Variants in ZNF75D observed in about 807,000 individuals in gnomAD.
ZNF75D encodes zinc finger protein 75.
A neutral mutation model predicts 33.3 loss-of-function variants in ZNF75D; 33 were observed. The observed-to-expected ratio is 0.99, with a 90% CI of 0.75 to 1.32. ZNF75D has a LOEUF of 1.32. ZNF75D is among the 40% of genes most tolerant of loss of function. The pLI is 0.00. For missense variants in ZNF75D, 338 were observed against 367.5 expected (o/e 0.92, Z 0.66); for synonymous variants, 113 against 130.6 (o/e 0.87, Z 0.92).
chrX:135,289,649 C>G (rs1452710221), intron 6 of ZNF75D, among the ~76,000 whole-genome samples: 3 of 107,276 alleles, frequency 2.8e-5, no homozygotes, highest in Non-Finnish European at 5.8e-5. Context: ...CACACACACA[C>G]ACACACACAC....
intron 1 of ZNF75D, among the ~76,000 whole-genome samples, chrX:135,271,855 G>C (rs1458183883): frequency 3.6e-5 from 4 of 111,877 alleles, no homozygotes; most frequent in African/African-American, 1.3e-4. Context: ...AAGTCCTATG[G>C]GAGGTACACT....
chrX:135,322,164 C>G (rs1483503459), intron 1 of ZNF75D, among the ~76,000 whole-genome samples: 3 of 112,158 alleles, frequency 2.7e-5, no homozygotes, highest in Non-Finnish European at 5.6e-5. Context: ...AAGCAGAATA[C>G]CTGTGTGTCA....
chrX:135,342,968 A>C lies in ZNF75D; in HGVS notation c.-1591T>G, dbSNP rs782323570. The C allele has an allele frequency of 9.0e-6, 1 of 111,662 alleles. No individual in the cohort carries two copies. The highest frequency in any genetic ancestry group is 3.8e-4 in the South Asian group (1 of 2,652). The allele number at this position is 111,662 out of a possible 1,213,427, so 9.2% of individuals were successfully genotyped here. On this transcript the variant is annotated 5_prime_UTR_variant, in exon 1 of 7. Transcript: ENST00000370766. The stretch of plus-strand genomic sequence containing the variant: ...CCTTTGATCTACCTCCAGAGCGGAC[A>C]CTATGACAGCGACACTGCCTCCCCG...
intron 1 of ZNF75D, among the ~76,000 whole-genome samples, chrX:135,318,133 C>T (rs897174050): frequency 1.0e-5 from 1 of 100,373 alleles, no homozygotes; most frequent in Non-Finnish European, 2.0e-5. Flanking sequence ...GAATTTAGAT[C>T]GTCCTGGCAC....
intron 1 of ZNF75D, among the ~76,000 whole-genome samples, chrX:135,304,172 C>A (rs1483597658): frequency 9.0e-6 from 1 of 111,671 alleles, no homozygotes; most frequent in African/African-American, 3.3e-5. Context: ...TCTCTGGCTG[C>A]CAGTGACTAT....
At chrX:135,284,316 C>T (rs1339584607), downstream of ZNF75D, among the ~76,000 whole-genome samples, 4 of 112,055 alleles carry the variant, frequency 3.6e-5, no homozygotes, top group Non-Finnish European at 7.5e-5. Flanking sequence ...TTCCCTTTAT[C>T]TCATTCTGCC....
At chrX:135,274,574 A>T (rs1444360327) in intron 1 of ZNF75D, among the ~76,000 whole-genome samples, 1 of 111,933 alleles carries the variant, frequency 8.9e-6, no homozygotes, top group Non-Finnish European at 1.9e-5. Flanking sequence ...TTAGGTTTAC[A>T]TGAGCACCTA....
At chrX:135,301,797 A>G (rs1430990307) in intron 1 of ZNF75D, among the ~76,000 whole-genome samples, 6 of 112,096 alleles carry the variant, frequency 5.4e-5, no homozygotes, top group Non-Finnish European at 1.1e-4. Context: ...CTCTTCTCAC[A>G]GCTCCACTAG....
Position 135,287,888 on chromosome X carries a change from G to A in ZNF75D, c.824-42C>T. On this transcript the variant is annotated intron_variant, in intron 6 of 6. Coordinates refer to ENST00000370766, the MANE Select transcript of ZNF75D (RefSeq NM_007131.5). ...AATAATCAGCCATCTGTGTCCCAGT[G>A]AAAGAAAGCTACATAAATGGAGAGA... 4.0e-6 allele frequency: 4 copies of A among 1,000,827 alleles called. No homozygotes were observed. The South Asian group carries it at 8.2e-5, about 20-fold the overall frequency. 82.5% of individuals were successfully genotyped at this position (1,000,827 alleles called of 1,213,427 possible).
At chrX:135,310,835 A>AT (rs782534052) in intron 1 of ZNF75D, among the ~76,000 whole-genome samples, 151 of 111,515 alleles carry the variant, frequency 1.4e-3, no homozygotes, top group Non-Finnish European at 2.5e-3. Context: ...CCCTGCTCTG[A>AT]TTCAGCATTG....
chrX:135,280,563 A>T (rs782526218), intron 1 of ZNF75D, among the ~76,000 whole-genome samples: 40 of 111,764 alleles, frequency 3.6e-4, no homozygotes, highest in African/African-American at 1.2e-3. Context: ...CCATTACTTG[A>T]TGCAGTTTCT....
At chrX:135,270,062 T>C (rs2083876789) in intron 1 of ZNF75D, among the ~76,000 whole-genome samples, 1 of 108,959 alleles carries the variant, frequency 9.2e-6, no homozygotes, top group East Asian at 2.8e-4. Context: ...AACTCATGGA[T>C]ATAGAGAATA....
chrX:135,329,337 G>A (rs1024387143), intron 1 of ZNF75D, among the ~76,000 whole-genome samples: 1 of 111,941 alleles, frequency 8.9e-6, no homozygotes, highest in Non-Finnish European at 1.9e-5. Context: ...AAGCTGGAGT[G>A]CAGTGGTATG....
At chrX:135,264,112 A>C (rs1256063220) in intron 1 of ZNF75D, among the ~76,000 whole-genome samples, 1 of 111,971 alleles carries the variant, frequency 8.9e-6, no homozygotes, top group Non-Finnish European at 1.9e-5. Context: ...ATTGACTCAC[A>C]GTTCTTCAGG....
chrX:135,327,485 T>C lies in ZNF75D; in HGVS notation c.-391+14283A>G, dbSNP rs187272168. Among the ~76,000 whole-genome samples, 413 of 112,194 alleles carry C rather than the reference T, an allele frequency of 3.7e-3. 4 individuals are homozygous for C. The highest frequency in any genetic ancestry group is 0.013 in the African/African-American group (393 of 30,878). ...AATGCAGCTGAGAACCCTGTTACCA[T>C]TTGCAATGACAAGAACTAAACACTA... On this transcript the variant is annotated intron_variant, in intron 1 of 6. Coordinates refer to ENST00000370766, the MANE Select transcript of ZNF75D (RefSeq NM_007131.5).
At chrX:135,250,547 AC>A (rs1451798904) in intron 3 of ZNF75D, among the ~76,000 whole-genome samples, 2 of 106,575 alleles carry the variant, frequency 1.9e-5, no homozygotes, top group East Asian at 5.7e-4. Flanking sequence ...CTGCAGAGCT[AC>A]ATCTCATCCT....
At chrX:135,335,014 T>C (rs921612049) in intron 1 of ZNF75D, among the ~76,000 whole-genome samples, 4 of 110,509 alleles carry the variant, frequency 3.6e-5, no homozygotes, top group Non-Finnish European at 7.6e-5. Flanking sequence ...TTCCAAATCC[T>C]CTTCACCCCT....
rs782321838 is a variant in ZNF75D, at chrX:135,294,152, AC to A, written c.-13del. ...TCTCTCATCGCCATTTGCTCTAGGA[AC>A]AGTTTTACTCTTGTATGTGACACTG... On this transcript the variant is annotated 5_prime_UTR_variant, in exon 3 of 7. Coordinates refer to ENST00000370766, the MANE Select transcript of ZNF75D (RefSeq NM_007131.5). 8.4e-5 allele frequency: 99 copies of A among 1,172,781 alleles called. No individual in the cohort carries two copies. The highest frequency in any genetic ancestry group is 1.1e-4 in the Non-Finnish European group (94 of 876,491).
intron 1 of ZNF75D, among the ~76,000 whole-genome samples, chrX:135,302,346 A>G (rs2084228743): frequency 8.9e-6 from 1 of 112,269 alleles, no homozygotes; most frequent in African/African-American, 3.2e-5. Context: ...ATTGAAATCC[A>G]TCTCTTGTCC....
Sources: gnomAD v4.1 joint callset for allele counts (sites outside exome capture counted in the v4.1 genomes callset) on GRCh38, gnomAD v4.1.1 for gene constraint, MANE v1.5 for transcripts, NCBI Gene and HGNC (gene_info 2026-07-23, HGNC 2026-07-21) for gene names.